The following ZNF461 variants were observed in gnomAD, a reference collection of about 807,000 sequenced individuals.
ZNF461 encodes the protein gonadotropin-inducible ovarian transcription factor-1.
ZNF461 carries 16 observed loss-of-function variants against 18.3 expected under a neutral mutation model. That is an observed-to-expected ratio of 0.88 (90% CI 0.59 to 1.33). The LOEUF (loss-of-function observed/expected upper bound fraction) is 1.33. Among genes scored for constraint, ZNF461 ranks in the 40% most tolerant of loss-of-function variants. ZNF461 has a pLI of 0.00. For synonymous variants in ZNF461, 179 were observed against 216.9 expected (o/e 0.83, Z 1.54); for missense variants, 595 against 669.9 (o/e 0.89, Z 1.23).
intron 2 of ZNF461, among the ~76,000 whole-genome samples, chr19:36,660,050 T>C (rs1172128939): frequency 6.6e-6 from 1 of 151,712 alleles, no homozygotes; most frequent in Non-Finnish European, 1.5e-5. Context: ...TGAGGACACC[T>C]CAAGTGGTGG....
chr19:36,655,109 T>G (rs1034853986), intron 4 of ZNF461, among the ~76,000 whole-genome samples: 2 of 152,160 alleles, frequency 1.3e-5, no homozygotes, highest in Admixed American at 6.5e-5. Flanking sequence ...CACCTCAGTC[T>G]GCTGAACATC....
At chr19:36,646,758 G>T (rs1434741143) in intron 4 of ZNF461, among the ~76,000 whole-genome samples, 1 of 152,132 alleles carries the variant, frequency 6.6e-6, no homozygotes, top group Non-Finnish European at 1.5e-5. Context: ...AAGCATTAAA[G>T]AAACGTGCAA....
intron 5 of ZNF461, among the ~76,000 whole-genome samples, chr19:36,642,962 T>C (rs1203780202): frequency 6.6e-6 from 1 of 151,772 alleles, no homozygotes; most frequent in African/African-American, 2.4e-5. Flanking sequence ...TGAGATGGGG[T>C]TTCACCATGC....
intron 5 of ZNF461, among the ~76,000 whole-genome samples, chr19:36,640,611 G>A (rs2037407292): frequency 6.6e-6 from 1 of 152,102 alleles, no homozygotes; most frequent in African/African-American, 2.4e-5. Flanking sequence ...GAGTTCTTTC[G>A]TTAAGAGCCA....
chr19:36,657,123 T>C (rs77014659), intron 3 of ZNF461, among the ~76,000 whole-genome samples: 1 of 142,734 alleles, frequency 7.0e-6, no homozygotes, highest in African/African-American at 2.5e-5. Context: ...CCCAGCCTCC[T>C]TTTTTTTTTT....
chr19:36,665,927 A>C (rs1202670013), intron 1 of ZNF461, among the ~76,000 whole-genome samples: 1 of 151,926 alleles, frequency 6.6e-6, no homozygotes. Flanking sequence ...TGAGAGATGG[A>C]TGAATGACAG....
At chr19:36,645,653 T>G (rs2037512970) in intron 4 of ZNF461, among the ~76,000 whole-genome samples, 1 of 152,192 alleles carries the variant, frequency 6.6e-6, no homozygotes, top group Non-Finnish European at 1.5e-5. Context: ...TTTCTTTTTT[T>G]TGTGGTAACA....
intron 4 of ZNF461, among the ~76,000 whole-genome samples, chr19:36,650,719 T>A (rs1950718879): frequency 1.3e-5 from 2 of 151,802 alleles, no homozygotes; most frequent in African/African-American, 2.4e-5. Context: ...CAACAATGAA[T>A]AAAAAGCATA....
chr19:36,659,205 T>G (rs1479191927), intron 2 of ZNF461, among the ~76,000 whole-genome samples: 1 of 152,174 alleles, frequency 6.6e-6, no homozygotes, highest in African/African-American at 2.4e-5. Flanking sequence ...AGCAACAGCT[T>G]GCAAACCATG....
Position 36,639,165 on chromosome 19 carries a change from A to G in ZNF461, c.1180T>C (p.Phe394Leu). The G allele has an allele frequency of 6.2e-7, 1 of 1,614,066 alleles. No individual in the cohort carries two copies. The highest frequency in any genetic ancestry group is 8.5e-7 in the Non-Finnish European group (1 of 1,180,020). Residue 394 changes from phenylalanine (F) to leucine (L), a missense_variant, in exon 6 of 6, where the codon TTT becomes CTT. Phe to Leu is a conservative substitution (Grantham distance 22). Coordinates refer to ENST00000588268, the MANE Select transcript of ZNF461 (RefSeq NM_153257.5). ...TGTGAGAAGCTTGAGTGATAGCTAA[A>G]GGCCTTCCCACATTCCCGACATTCA... is the stretch of plus-strand genomic sequence containing the variant. ...PYECRECGKA[F>L]SYHSSFSHHQ... is the part of the protein sequence containing the mutation.
intron 4 of ZNF461, 35 bp from the exon 5 acceptor site, chr19:36,643,897 A>G (rs1220389444): frequency 1.4e-6 from 2 of 1,387,468 alleles, no homozygotes; most frequent in Admixed American, 2.6e-5. Flanking sequence ...ACTTCATTTT[A>G]GAATAATATT....
At chr19:36,665,342 AC>A (rs1186218606) in intron 1 of ZNF461, among the ~76,000 whole-genome samples, 2 of 152,232 alleles carry the variant, frequency 1.3e-5, no homozygotes, top group African/African-American at 2.4e-5. Flanking sequence ...GAAGAATCAT[AC>A]CTGGAAACAT....
At position 36,638,817 on chromosome 19, in the gene ZNF461, AATGAT is replaced by A; in HGVS notation, c.1523_1527del (p.Tyr508PhefsTer23). On this transcript the variant is annotated frameshift_variant, in exon 6 of 6. Transcript: ENST00000588268. LOFTEE classifies it low-confidence loss of function (END_TRUNC). ...ATTCTCTGATGGTGTGAGAAGCTTG[AATGAT>A]AGCTAAAGGCCTTCCCACATTCCTT... 2 of 1,614,168 alleles carry A rather than the reference AATGAT, an allele frequency of 1.2e-6. No individual in the cohort carries two copies. The highest frequency in any genetic ancestry group is 1.7e-6 in the Non-Finnish European group (2 of 1,180,018).
chr19:36,640,800 AAAG>A (rs1214038274), intron 5 of ZNF461, among the ~76,000 whole-genome samples: 2 of 152,228 alleles, frequency 1.3e-5, no homozygotes, highest in Admixed American at 6.5e-5. Flanking sequence ...TGTATCAAAA[AAAG>A]AAAATTAATT....
At chr19:36,648,248 A>G (rs955570942) in intron 4 of ZNF461, among the ~76,000 whole-genome samples, 5 of 151,536 alleles carry the variant, frequency 3.3e-5, no homozygotes, top group Admixed American at 3.3e-4. Context: ...TGCTTTCACC[A>G]TGTAAAGTGC....
In ZNF461 at chr19:36,639,290, G is replaced by C; in HGVS notation, c.1055C>G (p.Thr352Ser). The stretch of plus-strand genomic sequence containing the variant: ...TTTACATTCATAAGGTTTCTCTCCA[G>C]TATGGAGTCGCAGGTGTTCAGTAAG... ...FQLTEHLRLHTGEKPYECKEC... is the reference protein window; with the variant it reads ...FQLTEHLRLHSGEKPYECKEC... Residue 352 changes from threonine to serine, a missense_variant, in exon 6 of 6, where the codon ACT becomes AGT. Physicochemically the swap from Thr to Ser is moderately conservative, Grantham distance 58. Transcript: ENST00000588268. 2 of 1,614,004 alleles carry C rather than the reference G, an allele frequency of 1.2e-6. No homozygotes were observed. Among genetic ancestry groups the C allele is most frequent in the South Asian group, 2.2e-5 (2 of 91,068 alleles).
chr19:36,651,130 C>T (rs565497930), intron 4 of ZNF461, among the ~76,000 whole-genome samples: 2 of 149,608 alleles, frequency 1.3e-5, no homozygotes, highest in Non-Finnish European at 3.0e-5. Context: ...ACTAGGGAGG[C>T]TGAGGCAGGA....
intron 2 of ZNF461, among the ~76,000 whole-genome samples, chr19:36,659,007 A>G (rs2037773320): frequency 1.3e-5 from 2 of 152,152 alleles, no homozygotes; most frequent in African/African-American, 4.8e-5. Context: ...GACTTATTCA[A>G]CCTATAGAAT....
chr19:36,649,518 A>G (rs1568652568), intron 4 of ZNF461, among the ~76,000 whole-genome samples: 1 of 152,030 alleles, frequency 6.6e-6, no homozygotes, highest in Non-Finnish European at 1.5e-5. Context: ...TGTAGTAGAG[A>G]TGGGGTTTCA....
Sources: allele counts gnomAD v4.1 joint callset (sites outside exome capture counted in the v4.1 genomes callset), GRCh38; gene constraint gnomAD v4.1.1; transcripts MANE v1.5; gene names NCBI Gene and HGNC (gene_info 2026-07-23, HGNC 2026-07-21).